PPM1H: variants seen among roughly 807,000 people sequenced by gnomAD.
The protein encoded by PPM1H is protein phosphatase, Mg2+/Mn2+ dependent 1H.
A neutral mutation model predicts 54.9 loss-of-function variants in PPM1H; 27 were observed. The observed-to-expected ratio is 0.49, with a 90% CI of 0.36 to 0.68. The LOEUF is 0.68. Among genes scored for constraint, PPM1H ranks in the 30% least tolerant of loss-of-function variants. The pLI is 0.00. For missense variants in PPM1H, 596 were observed against 667.8 expected, an observed-to-expected ratio of 0.89 and a Z score of 1.19; for synonymous variants, 305 against 270.8, an observed-to-expected ratio of 1.13 and a Z score of -1.24.
rs1868596931 is a variant in PPM1H, at chr12:62,838,736, AC to A, written c.246-6458del. ...GGAGATCGAGACCATCCTGGCTAAC[AC>A]GGTGAAACCCCGTCTCTACTAAAAA... On this transcript the variant is annotated intron_variant, in intron 1 of 9. Coordinates refer to ENST00000228705, the MANE Select transcript of PPM1H (RefSeq NM_020700.2). Among the ~76,000 whole-genome samples the A allele has an allele frequency of 1.8e-5, 2 of 108,976 alleles. 1 individual carries two copies. The highest frequency in any genetic ancestry group is 3.8e-5 in the Non-Finnish European group (2 of 53,012). 71.5% of individuals were successfully genotyped at this position (108,976 alleles called of 152,430 possible).
At chr12:62,756,109 T>G (rs2076472765) in intron 4 of PPM1H, 4 of 909,404 alleles carry the variant, frequency 4.4e-6, no homozygotes, top group Middle Eastern at 3.3e-4. Flanking sequence ...TCTTCAACCT[T>G]TGATGCTGGG....
At chr12:62,876,553 G>C (rs1870178271) in intron 1 of PPM1H, among the ~76,000 whole-genome samples, 1 of 152,202 alleles carries the variant, frequency 6.6e-6, no homozygotes, top group African/African-American at 2.4e-5. Context: ...TTCAACTTAG[G>C]AAAAGAAAAC....
intron 1 of PPM1H, among the ~76,000 whole-genome samples, chr12:62,881,990 A>C (rs1870413284): frequency 6.6e-6 from 1 of 152,208 alleles, no homozygotes; most frequent in African/African-American, 2.4e-5. Flanking sequence ...ACAATTCTAG[A>C]CTATCAGGGT....
chr12:62,809,018 C>G (rs551991854), intron 2 of PPM1H, among the ~76,000 whole-genome samples: 1 of 152,244 alleles, frequency 6.6e-6, no homozygotes, highest in African/African-American at 2.4e-5. Flanking sequence ...GATTAAAGAT[C>G]TATTTTCAAA....
intron 2 of PPM1H, among the ~76,000 whole-genome samples, chr12:62,828,620 G>A (rs1208623872): frequency 1.3e-5 from 2 of 152,164 alleles, no homozygotes; most frequent in African/African-American, 2.4e-5. Flanking sequence ...CTCCCTCTAA[G>A]TAGGGATTTT....
intron 1 of PPM1H, among the ~76,000 whole-genome samples, chr12:62,896,377 T>C (rs1297513929): frequency 6.6e-6 from 1 of 152,136 alleles, no homozygotes; most frequent in Non-Finnish European, 1.5e-5. Context: ...ATCCAGAACC[T>C]ACAAAGAACT....
Position 62,720,178 on chromosome 12 carries a change from T to C in PPM1H, c.1066A>G (p.Thr356Ala), listed in dbSNP as rs200725314. The C allele has an allele frequency of 4.0e-4, 635 of 1,599,398 alleles. No homozygotes were observed. The highest frequency in any genetic ancestry group is 5.0e-4 in the Non-Finnish European group (583 of 1,166,782). Residue 356 changes from threonine (T) to alanine (A), a missense_variant, in exon 6 of 10, where the codon ACA (threonine) becomes GCA (alanine). Coordinates refer to ENST00000228705, the MANE Select transcript of PPM1H (RefSeq NM_020700.2). ...KKMLYRDFNM[T>A]GWAYKTIEDE... ...AGGAAGGCATGTTCTTACCAGCCTGTCATATTAAAGTCCCTGTAGAGCATC... is the reference window on the plus strand; with the variant it reads ...AGGAAGGCATGTTCTTACCAGCCTGCCATATTAAAGTCCCTGTAGAGCATC...
At position 62,647,791 on chromosome 12, in the gene PPM1H, G is replaced by T; in HGVS notation, c.*698C>A. On this transcript the variant is annotated 3_prime_UTR_variant, in exon 10 of 10. Coordinates refer to ENST00000228705, the MANE Select transcript of PPM1H (RefSeq NM_020700.2). ...GGCTGTGTGGGCTGGAGGAGGTGGGGACAACCCAGCCTGGGTGGGACTTGG... is the reference window on the plus strand; with the variant it reads ...GGCTGTGTGGGCTGGAGGAGGTGGGTACAACCCAGCCTGGGTGGGACTTGG... 6.6e-6 allele frequency: 1 copy of T among 152,442 alleles called. No homozygotes were observed. Among genetic ancestry groups the T allele is most frequent in the Non-Finnish European group, 1.5e-5 (1 of 68,260 alleles). 9.4% of individuals were successfully genotyped at this position (152,442 alleles called of 1,614,324 possible).
intron 2 of PPM1H, among the ~76,000 whole-genome samples, chr12:62,831,252 AAT>A (rs1443840491): frequency 6.6e-6 from 1 of 152,204 alleles, no homozygotes; most frequent in Non-Finnish European, 1.5e-5. Context: ...GATCAGAATG[AAT>A]AGTCACATTT....
At chr12:62,648,680 A>T in intron 9 of PPM1H, 44 bp from the exon 10 acceptor site, 2 of 1,599,726 alleles carry the variant, frequency 1.3e-6, no homozygotes, top group Middle Eastern at 1.9e-4. Flanking sequence ...AGAGCATCAG[A>T]CAGAAGCCAG....
At chr12:62,803,499 A>G (rs2076784859) in intron 2 of PPM1H, among the ~76,000 whole-genome samples, 2 of 152,234 alleles carry the variant, frequency 1.3e-5, no homozygotes, top group Non-Finnish European at 2.9e-5. Flanking sequence ...TCCACATGCA[A>G]AAGAATGAAA....
intron 6 of PPM1H, among the ~76,000 whole-genome samples, chr12:62,695,020 T>C (rs531925581): frequency 6.6e-5 from 10 of 152,220 alleles, no homozygotes; most frequent in Non-Finnish European, 1.3e-4. Flanking sequence ...GATGCTTTTC[T>C]ACAACAACAT....
chr12:62,653,684 CA>C (rs2136595993), intron 9 of PPM1H, among the ~76,000 whole-genome samples: 2 of 152,220 alleles, frequency 1.3e-5, no homozygotes, highest in Admixed American at 1.3e-4. Context: ...CTGGGTTATC[CA>C]AAGAGATTTA....
At chr12:62,659,424 C>T (rs2075869766) in intron 9 of PPM1H, among the ~76,000 whole-genome samples, 1 of 152,116 alleles carries the variant, frequency 6.6e-6, no homozygotes, top group African/African-American at 2.4e-5. Context: ...TCATACAGCT[C>T]ATTTTTACTC....
At chr12:62,660,495 T>C (rs528455407) in intron 9 of PPM1H, among the ~76,000 whole-genome samples, 14 of 152,196 alleles carry the variant, frequency 9.2e-5, no homozygotes, top group African/African-American at 3.4e-4. Context: ...AACAGACACA[T>C]AGACCAATGG....
chr12:62,907,174 C>T (rs1017543195), intron 1 of PPM1H, among the ~76,000 whole-genome samples: 8 of 152,304 alleles, frequency 5.3e-5, no homozygotes, highest in South Asian at 2.1e-4. Context: ...GTTCTTCCCA[C>T]CCTCCATCTA....
At chr12:62,758,760 G>A (rs1222103037) in intron 4 of PPM1H, among the ~76,000 whole-genome samples, 2 of 152,170 alleles carry the variant, frequency 1.3e-5, no homozygotes, top group Non-Finnish European at 2.9e-5. Flanking sequence ...ATGAAATGCT[G>A]TGGTGGTTAG....
intron 2 of PPM1H, among the ~76,000 whole-genome samples, chr12:62,805,335 A>G (rs1470966792): frequency 2.0e-5 from 3 of 152,240 alleles, no homozygotes; most frequent in African/African-American, 7.2e-5. Context: ...GAACCATCAT[A>G]TAAAGCAATT....
intron 1 of PPM1H, among the ~76,000 whole-genome samples, chr12:62,893,255 T>C (rs1289340589): frequency 6.6e-6 from 1 of 152,196 alleles, no homozygotes; most frequent in African/African-American, 2.4e-5. Flanking sequence ...ACAGACTCAG[T>C]GGCTTCAACA....
Sources: gnomAD v4.1 joint callset for allele counts (sites outside exome capture counted in the v4.1 genomes callset) on GRCh38, gnomAD v4.1.1 for gene constraint, MANE v1.5 for transcripts, NCBI Gene and HGNC (gene_info 2026-07-23, HGNC 2026-07-21) for gene names.